Variants in SEC24D observed in about 807,000 individuals in gnomAD.
The protein encoded by SEC24D is protein transport protein Sec24D.
In SEC24D, 69 loss-of-function variants were observed where a neutral mutation model predicts 116.9. The observed-to-expected ratio is 0.59, with a 90% CI of 0.49 to 0.72. The LOEUF (loss-of-function observed/expected upper bound fraction) is 0.72. SEC24D is among the 30% of genes least tolerant of loss of function. The probability of loss-of-function intolerance (pLI) is 0.00; values close to 1 mark genes in which losing one functional copy is unlikely to be tolerated. For missense variants in SEC24D, 1,131 were observed against 1,264.1 expected (o/e 0.89, Z 1.60); for synonymous variants, 405 against 442.8 (o/e 0.91, Z 1.07).
chr4:118,778,649 G>A (rs147456191), intron 8 of SEC24D, among the ~76,000 whole-genome samples: 1,529 of 152,266 alleles, frequency 0.01, 24 homozygotes, highest in African/African-American at 0.035. Flanking sequence ...AAAGTCATTG[G>A]TAGCTTGACG....
intron 3 of SEC24D, among the ~76,000 whole-genome samples, chr4:118,822,655 T>G (rs1483666739): frequency 6.6e-6 from 1 of 152,186 alleles, no homozygotes; most frequent in Non-Finnish European, 1.5e-5. Context: ...CACTGCAGCC[T>G]TGACCTCCTG....
chr4:118,784,693 TA>T (rs1332500081), intron 8 of SEC24D, among the ~76,000 whole-genome samples: 1 of 151,938 alleles, frequency 6.6e-6, no homozygotes, highest in Non-Finnish European at 1.5e-5. Context: ...TAAAGATTTT[TA>T]AATCCTCTTT....
At chr4:118,773,499 G>A (rs980716283) in intron 8 of SEC24D, among the ~76,000 whole-genome samples, 1 of 152,030 alleles carries the variant, frequency 6.6e-6, no homozygotes, top group African/African-American at 2.4e-5. Context: ...TCTTGGAATT[G>A]GAGTGCTGCT....
intron 8 of SEC24D, among the ~76,000 whole-genome samples, chr4:118,779,443 G>C (rs1245418193): frequency 6.6e-6 from 1 of 152,200 alleles, no homozygotes; most frequent in Non-Finnish European, 1.5e-5. Flanking sequence ...TTGCATCCCA[G>C]GGATGAAGCT....
intron 22 of SEC24D, among the ~76,000 whole-genome samples, chr4:118,726,762 T>C (rs949743093): frequency 2.6e-5 from 4 of 151,574 alleles, no homozygotes; most frequent in East Asian, 1.9e-4. Flanking sequence ...TCTGTAGATA[T>C]ACTGTGGTAG....
chr4:118,740,784 C>A lies in SEC24D; in HGVS notation c.2117G>T (p.Gly706Val). 6.2e-7 allele frequency: 1 copy of A among 1,613,776 alleles called. No homozygotes were observed. The highest frequency in any genetic ancestry group is 8.5e-7 in the Non-Finnish European group (1 of 1,179,850). ...GGTGGTGTTGTTCATCAAGATTCCA[C>A]CAAAGAAATCAGTGGCTCTGAAACC... ...STGFRATDFF[G>V]GILMNNTTDV... The change falls in exon 17 of 23, where the codon GGT becomes GTT. Residue 706 changes from glycine (G) to valine (V), a missense_variant. By Grantham distance (109) the Gly-to-Val change is moderately radical. Coordinates refer to ENST00000280551, the MANE Select transcript of SEC24D (RefSeq NM_014822.4).
At chr4:118,829,120 G>A (rs893306031) in intron 2 of SEC24D, among the ~76,000 whole-genome samples, 4 of 152,142 alleles carry the variant, frequency 2.6e-5, no homozygotes, top group African/African-American at 9.7e-5. Flanking sequence ...AATTTCTTTA[G>A]TGCATTTCTC....
chr4:118,792,368 G>A (rs943483966), intron 8 of SEC24D, among the ~76,000 whole-genome samples: 3 of 151,942 alleles, frequency 2.0e-5, no homozygotes, highest in Admixed American at 1.3e-4. Context: ...CCCTCTGCCC[G>A]GCCGCCACCC....
At chr4:118,810,135 T>TCA (rs1729856209) in intron 6 of SEC24D, among the ~76,000 whole-genome samples, 1 of 113,574 alleles carries the variant, frequency 8.8e-6, no homozygotes, top group Non-Finnish European at 2.0e-5. Context: ...TGTGTGTGTG[T>TCA]GTCAGAGGGT....
intron 21 of SEC24D, 85 bp downstream of exon 21, chr4:118,731,231 T>C (rs756675602): frequency 3.6e-5 from 39 of 1,083,642 alleles, no homozygotes; most frequent in Non-Finnish European, 4.6e-5. Context: ...TTTTTCTTTC[T>C]GTAATATTTG....
chr4:118,796,848 G>A (rs1402837216), intron 8 of SEC24D, among the ~76,000 whole-genome samples: 1 of 152,234 alleles, frequency 6.6e-6, no homozygotes, highest in Non-Finnish European at 1.5e-5. Flanking sequence ...GGTTTATGCT[G>A]GGAGGGAATA....
chr4:118,806,000 T>A, intron 6 of SEC24D, 46 bp from the exon 7 acceptor site: 1 of 1,217,506 alleles, frequency 8.2e-7, no homozygotes, highest in Non-Finnish European at 1.2e-6. Context: ...GTTCCAGTTC[T>A]TCCCAACATT....
chr4:118,723,499 G>T lies in SEC24D; in HGVS notation c.*16C>A. 6.2e-7 allele frequency: 1 copy of T among 1,604,068 alleles called. No homozygotes were observed. Among genetic ancestry groups the T allele is most frequent in the South Asian group, 1.1e-5 (1 of 87,998 alleles). ...ATCTCCTTGGAAATGCAACATCAAT[G>T]ACAGAGAAGTTTCAATTAATTAAGC... On this transcript the variant is annotated 3_prime_UTR_variant, in exon 23 of 23. Transcript: ENST00000280551.
chr4:118,788,996 G>A (rs919711303), intron 8 of SEC24D, among the ~76,000 whole-genome samples: 1 of 152,066 alleles, frequency 6.6e-6, no homozygotes, highest in Non-Finnish European at 1.5e-5. Flanking sequence ...AGAGGCTTAA[G>A]GTCAAAAAGA....
At chr4:118,743,876 AT>A in intron 15 of SEC24D, 111 bp downstream of exon 15, 2 of 963,390 alleles carry the variant, frequency 2.1e-6, no homozygotes, top group Non-Finnish European at 3.0e-6. Flanking sequence ...CTGCTCTTGA[AT>A]TTATATGTGT....
chr4:118,817,055 CA>C (rs1722622935), intron 4 of SEC24D, among the ~76,000 whole-genome samples: 1 of 152,136 alleles, frequency 6.6e-6, no homozygotes, highest in Non-Finnish European at 1.5e-5. Flanking sequence ...GAGGGTCCTT[CA>C]ATTACCTTGA....
At chr4:118,814,280 G>A (rs1730043127) in intron 6 of SEC24D, among the ~76,000 whole-genome samples, 1 of 152,184 alleles carries the variant, frequency 6.6e-6, no homozygotes, top group Admixed American at 6.5e-5. Flanking sequence ...AGCTTTAAGA[G>A]CTGTTGCACA....
At chr4:118,730,702 T>C (rs964600423) in intron 21 of SEC24D, 5 of 152,402 alleles carry the variant, frequency 3.3e-5, no homozygotes, top group African/African-American at 1.2e-4. Context: ...TACTTTAAAA[T>C]AGTCATTTGT....
Position 118,731,178 on chromosome 4 carries a change from C to T in SEC24D, c.2868+138G>A, listed in dbSNP as rs138201264. 1.2e-5 allele frequency: 9 copies of T among 724,752 alleles called. No homozygotes were observed. In the East Asian group the frequency reaches 2.4e-4, roughly 20 times the overall value. 44.9% of individuals were successfully genotyped at this position (724,752 alleles called of 1,614,324 possible). ...ACCAGCTAATTGATATTGATCAAAA[C>T]ATGAAATTATTTCTTTCATATACAG... On this transcript the variant is annotated intron_variant, in intron 21 of 22. Transcript: ENST00000280551.
Sources: gnomAD v4.1 joint callset for allele counts (sites outside exome capture counted in the v4.1 genomes callset) on GRCh38, gnomAD v4.1.1 for gene constraint, MANE v1.5 for transcripts, NCBI Gene and HGNC (gene_info 2026-07-23, HGNC 2026-07-21) for gene names.